TUSC3: variants seen among roughly 807,000 people sequenced by gnomAD.
The protein encoded by TUSC3 is dolichyl-diphosphooligosaccharide--protein glycosyltransferase subunit TUSC3.
In TUSC3, 45 loss-of-function variants were observed where a neutral mutation model predicts 44.8. That is an observed-to-expected ratio of 1.00 (90% confidence interval 0.79 to 1.29). TUSC3 has a LOEUF of 1.29. Among genes scored for constraint, TUSC3 ranks in the 50% most tolerant of loss-of-function variants. TUSC3 has a pLI of 0.00. For synonymous variants in TUSC3, 212 were observed against 152.9 expected (o/e 1.39, Z -2.85); for missense variants, 519 against 437.9 (o/e 1.19, Z -1.65).
intron 1 of TUSC3, among the ~76,000 whole-genome samples, chr8:15,476,127 C>T (rs973501068): frequency 1.3e-5 from 2 of 152,124 alleles, no homozygotes; most frequent in Non-Finnish European, 2.9e-5. Flanking sequence ...CAAAGAATAA[C>T]TAATTGTGTA....
At chr8:15,748,861 T>TTAAC (rs1811539833) in intron 9 of TUSC3, 1 of 403,552 alleles carries the variant, frequency 2.5e-6, no homozygotes, top group Admixed American at 3.4e-5. Flanking sequence ...CTACAAAATT[T>TTAAC]TAACTTTTCA....
At chr8:15,713,418 A>G (rs532277712) in intron 6 of TUSC3, among the ~76,000 whole-genome samples, 49 of 152,316 alleles carry the variant, frequency 3.2e-4, no homozygotes, top group Non-Finnish European at 5.1e-4. Flanking sequence ...GACAATAAAC[A>G]TAAGGCATTA....
At chr8:15,497,572 G>C (rs1328000710) in intron 2 of TUSC3, among the ~76,000 whole-genome samples, 2 of 152,182 alleles carry the variant, frequency 1.3e-5, no homozygotes, top group African/African-American at 4.8e-5. Context: ...GCTAATTGAA[G>C]TGAGTTCTGG....
the TUSC3 span, among the ~76,000 whole-genome samples, chr8:15,785,775 C>G: frequency 6.6e-6 from 1 of 151,860 alleles, no homozygotes; most frequent in Non-Finnish European, 1.5e-5. Flanking sequence ...TAACATATCA[C>G]GAAGCATTCT....
intron 6 of TUSC3, among the ~76,000 whole-genome samples, chr8:15,702,416 C>G (rs180810763): frequency 6.6e-6 from 1 of 152,252 alleles, no homozygotes; most frequent in East Asian, 1.9e-4. Flanking sequence ...GAGCTGAAAA[C>G]TGTTTCTTTG....
chr8:15,580,652 C>G (rs1803287097), intron 1 of TUSC3, among the ~76,000 whole-genome samples: 1 of 100,774 alleles, frequency 9.9e-6, no homozygotes, highest in South Asian at 3.9e-4. Flanking sequence ...GGCCCCCACT[C>G]TCTTCTGGCT....
At chr8:15,510,574 T>A (rs1320927591) in intron 2 of TUSC3, among the ~76,000 whole-genome samples, 11 of 152,184 alleles carry the variant, frequency 7.2e-5, no homozygotes, top group Admixed American at 5.9e-4. Flanking sequence ...TATATTTTTT[T>A]AAATATCAGT....
At chr8:15,483,269 G>T in intron 1 of TUSC3, 1 of 182,864 alleles carries the variant, frequency 5.5e-6, no homozygotes, top group Non-Finnish European at 1.2e-5. Context: ...TGGGTTATTA[G>T]TTTTTTTAAA....
At position 15,738,827 on chromosome 8, in the gene TUSC3, C is replaced by CTTTTTTTTTTCTTTCTTTTTTTTTTTTT. The variant is rs1373248681; in HGVS notation, c.863-4701_863-4700insCTTTCTTTTTTTTTTTTTTTTTTTTTTT. ...ACAAAATTACTATTAATATATCTTG[C>CTTTTTTTTTTCTTTCTTTTTTTTTTTTT]TTTTTTTTTTTTTTTTTTTTTTTGA... On this transcript the variant is annotated intron_variant, in intron 7 of 10. Transcript: ENST00000503731. Among the ~76,000 whole-genome samples, 64 of 87,202 alleles carry CTTTTTTTTTTCTTTCTTTTTTTTTTTTT rather than the reference C, an allele frequency of 7.3e-4. 13 individuals carry two copies. The highest frequency in any genetic ancestry group is 1.9e-3 in the East Asian group (5 of 2,678). The allele number at this position is 87,202 out of a possible 152,430, so 57.2% of individuals were successfully genotyped here.
chr8:15,788,924 T>C, the TUSC3 span, among the ~76,000 whole-genome samples: 25 of 152,322 alleles, frequency 1.6e-4, no homozygotes, highest in Admixed American at 6.5e-4. Context: ...ATGAGTCTCA[T>C]TGGCAGGTGT....
At chr8:15,598,759 T>C (rs1444175227) in intron 1 of TUSC3, among the ~76,000 whole-genome samples, 1 of 151,942 alleles carries the variant, frequency 6.6e-6, no homozygotes, top group African/African-American at 2.4e-5. Flanking sequence ...TCTATGTTTT[T>C]TCATGGTTTG....
intron 1 of TUSC3, chr8:15,417,380 C>A (rs1340174002): frequency 6.6e-6 from 1 of 152,222 alleles, no homozygotes; most frequent in Non-Finnish European, 1.5e-5. Context: ...CAAGAACAGA[C>A]TGATACAGAG....
At chr8:15,459,518 T>C (rs116443715) in intron 1 of TUSC3, among the ~76,000 whole-genome samples, 2,731 of 152,256 alleles carry the variant, frequency 0.018, 89 homozygotes, top group African/African-American at 0.062. Context: ...TGTTTGGTTA[T>C]GTGAGTACAT....
chr8:15,556,884 A>T (rs1303517579), intron 1 of TUSC3, among the ~76,000 whole-genome samples: 1 of 144,580 alleles, frequency 6.9e-6, no homozygotes, highest in African/African-American at 2.5e-5. Context: ...GTTTGAGTTC[A>T]TTGTAGATTC....
chr8:15,794,799 T>C, the TUSC3 span, among the ~76,000 whole-genome samples: 1 of 152,120 alleles, frequency 6.6e-6, no homozygotes, highest in East Asian at 1.9e-4. Context: ...ATACCTTTAT[T>C]ATACGAGACA....
At chr8:15,759,452 T>C (rs1477290509) in intron 10 of TUSC3, among the ~76,000 whole-genome samples, 2 of 151,932 alleles carry the variant, frequency 1.3e-5, no homozygotes, top group Admixed American at 6.6e-5. Context: ...TTTCCAAATA[T>C]GAGAAACAGA....
the TUSC3 span, among the ~76,000 whole-genome samples, chr8:15,848,128 C>A: frequency 6.6e-6 from 1 of 152,072 alleles, no homozygotes; most frequent in Non-Finnish European, 1.5e-5. Context: ...CCCCTCCTTC[C>A]CCCCGAGTGA....
chr8:15,842,750 A>C, the TUSC3 span, among the ~76,000 whole-genome samples: 1 of 152,218 alleles, frequency 6.6e-6, no homozygotes, highest in Non-Finnish European at 1.5e-5. Flanking sequence ...AAACGCGAGA[A>C]GGTCCTTTGG....
At chr8:15,626,572 A>G (rs572283517) in intron 2 of TUSC3, among the ~76,000 whole-genome samples, 2 of 152,312 alleles carry the variant, frequency 1.3e-5, no homozygotes, top group South Asian at 4.1e-4. Context: ...TCCACCTGCG[A>G]CTGCGGACTC....
Sources: gnomAD v4.1 joint callset for allele counts (sites outside exome capture counted in the v4.1 genomes callset) on GRCh38, gnomAD v4.1.1 for gene constraint, MANE v1.5 for transcripts, NCBI Gene and HGNC (gene_info 2026-07-23, HGNC 2026-07-21) for gene names.